The following LRRC4C variants were observed in gnomAD, a reference collection of about 807,000 sequenced individuals.
LRRC4C encodes the protein leucine rich repeat containing 4C.
LRRC4C carries 5 observed loss-of-function variants against 33.6 expected under a neutral mutation model. The ratio of observed to expected loss-of-function variants is 0.15; its 90% CI spans 0.08 to 0.31. The LOEUF is 0.31. LRRC4C is among the 10% of genes least tolerant of loss of function. LRRC4C has a pLI of 1.00. For missense variants in LRRC4C, 560 were observed against 796.7 expected, an observed-to-expected ratio of 0.70 and a Z score of 3.58; for synonymous variants, 329 against 302.0, an observed-to-expected ratio of 1.09 and a Z score of -0.93.
chr11:40,770,278 GGAGTGCA>G (rs1949692111), intron 2 of LRRC4C, among the ~76,000 whole-genome samples: 1 of 152,134 alleles, frequency 6.6e-6, no homozygotes, highest in African/African-American at 2.4e-5. Context: ...GCAGGAGATA[GGAGTGCA>G]GAGTGAAGGC....
intron 2 of LRRC4C, among the ~76,000 whole-genome samples, chr11:40,812,945 A>G (rs2135400194): frequency 6.6e-6 from 1 of 152,182 alleles, no homozygotes; most frequent in East Asian, 1.9e-4. Context: ...GAGAAAGTGG[A>G]AAAAAAATAC....
At chr11:40,495,029 C>A (rs534911785) in intron 3 of LRRC4C, among the ~76,000 whole-genome samples, 1 of 152,250 alleles carries the variant, frequency 6.6e-6, no homozygotes, top group East Asian at 1.9e-4. Context: ...CTAAGGAGAG[C>A]ATGAATATTA....
At chr11:41,037,500 G>A (rs961816843) in intron 1 of LRRC4C, among the ~76,000 whole-genome samples, 1 of 151,242 alleles carries the variant, frequency 6.6e-6, no homozygotes, top group African/African-American at 2.4e-5. Flanking sequence ...CACTGTGCCT[G>A]ACCCTAGATT....
chr11:40,834,917 C>G (rs916153665), intron 2 of LRRC4C, among the ~76,000 whole-genome samples: 2 of 142,006 alleles, frequency 1.4e-5, no homozygotes, highest in South Asian at 4.4e-4. Flanking sequence ...GACAGACACA[C>G]ACACACACAC....
intron 1 of LRRC4C, among the ~76,000 whole-genome samples, chr11:41,120,995 T>C (rs1054627950): frequency 6.6e-6 from 1 of 152,174 alleles, no homozygotes; most frequent in African/African-American, 2.4e-5. Flanking sequence ...CAGTCACTCT[T>C]CCTGTTAAGC....
intron 1 of LRRC4C, among the ~76,000 whole-genome samples, chr11:40,987,042 A>G (rs1318426202): frequency 6.6e-6 from 1 of 152,146 alleles, no homozygotes; most frequent in Admixed American, 6.5e-5. Context: ...GCATGACACT[A>G]TGTATAGTTC....
At chr11:40,907,090 T>G (rs1409666415) in intron 2 of LRRC4C, among the ~76,000 whole-genome samples, 1 of 152,212 alleles carries the variant, frequency 6.6e-6, no homozygotes, top group Admixed American at 6.5e-5. Context: ...TGCAAGTATA[T>G]CAGTTACTTC....
intron 1 of LRRC4C, among the ~76,000 whole-genome samples, chr11:41,049,067 G>T (rs760342649): frequency 6.6e-6 from 1 of 152,136 alleles, no homozygotes; most frequent in Non-Finnish European, 1.5e-5. Context: ...AAAGAGCAAT[G>T]GAAATAAATC....
At chr11:40,569,935 G>A (rs142816219) in intron 3 of LRRC4C, among the ~76,000 whole-genome samples, 75 of 151,956 alleles carry the variant, frequency 4.9e-4, no homozygotes, top group African/African-American at 1.4e-3. Flanking sequence ...AAGGTTTACC[G>A]AGTAAAAATA....
intron 1 of LRRC4C, among the ~76,000 whole-genome samples, chr11:41,321,864 C>T (rs1305942994): frequency 6.6e-6 from 1 of 151,806 alleles, no homozygotes; most frequent in African/African-American, 2.4e-5. Context: ...TTATATTAAA[C>T]TGTTTCTTTT....
At chr11:40,652,521 A>G (rs879441053) in intron 2 of LRRC4C, among the ~76,000 whole-genome samples, 32 of 152,186 alleles carry the variant, frequency 2.1e-4, no homozygotes, top group Admixed American at 1.4e-3. Flanking sequence ...AGTAGTGTTT[A>G]AAAAATGTAA....
chr11:41,153,180 A>G (rs1944073940), intron 1 of LRRC4C, among the ~76,000 whole-genome samples: 1 of 152,132 alleles, frequency 6.6e-6, no homozygotes, highest in African/African-American at 2.4e-5. Flanking sequence ...CCCTTAAAGA[A>G]TCTGATTAAA....
intron 3 of LRRC4C, among the ~76,000 whole-genome samples, chr11:40,462,459 C>T (rs952530410): frequency 6.6e-6 from 1 of 151,914 alleles, no homozygotes; most frequent in African/African-American, 2.4e-5. Flanking sequence ...ATAACATGAA[C>T]CTCGAACAAA....
intron 2 of LRRC4C, among the ~76,000 whole-genome samples, chr11:40,737,576 T>A (rs898961062): frequency 6.7e-6 from 1 of 150,160 alleles, no homozygotes. Context: ...ACACCAATAA[T>A]AAAAAAAAAC....
intron 1 of LRRC4C, among the ~76,000 whole-genome samples, chr11:41,186,621 G>A (rs965198257): frequency 6.6e-6 from 1 of 152,120 alleles, no homozygotes; most frequent in African/African-American, 2.4e-5. Context: ...CCTGAACACT[G>A]GGTCGGAGGT....
chr11:41,378,453 C>G (rs1477272892), intron 1 of LRRC4C, among the ~76,000 whole-genome samples: 1 of 152,012 alleles, frequency 6.6e-6, no homozygotes, highest in African/African-American at 2.4e-5. Flanking sequence ...CTTTAGAAAA[C>G]CTGTTCTAAA....
chr11:40,366,018 G>T (rs565819737), intron 3 of LRRC4C, among the ~76,000 whole-genome samples: 2 of 152,080 alleles, frequency 1.3e-5, no homozygotes, highest in South Asian at 4.1e-4. Flanking sequence ...TATGAAAGCA[G>T]GGATTTAATC....
At chr11:41,297,322 T>C (rs538725648) in intron 1 of LRRC4C, among the ~76,000 whole-genome samples, 6 of 152,206 alleles carry the variant, frequency 3.9e-5, no homozygotes, top group Non-Finnish European at 7.4e-5. Flanking sequence ...TCAATATTCA[T>C]CAGAGAAATT....
intron 1 of LRRC4C, among the ~76,000 whole-genome samples, chr11:41,347,422 G>A (rs1951839522): frequency 6.6e-6 from 1 of 152,126 alleles, no homozygotes; most frequent in African/African-American, 2.4e-5. Flanking sequence ...TGGTCTTATG[G>A]CATCCCTGAC....
Sources: allele counts gnomAD v4.1 joint callset (sites outside exome capture counted in the v4.1 genomes callset), GRCh38; gene constraint gnomAD v4.1.1; transcripts MANE v1.5; gene names NCBI Gene and HGNC (gene_info 2026-07-23, HGNC 2026-07-21).